The following CCDC77 variants were observed in gnomAD, a reference collection of about 807,000 sequenced individuals.
CCDC77 encodes the protein coiled-coil domain-containing protein 77.
A neutral mutation model predicts 66.8 loss-of-function variants in CCDC77; 56 were observed. The ratio of observed to expected loss-of-function variants is 0.84; its 90% CI spans 0.68 to 1.05. The LOEUF (loss-of-function observed/expected upper bound fraction) is 1.05, where lower values mean the gene tolerates loss of function less well. Among genes scored for constraint, CCDC77 ranks in the 50% least tolerant of loss-of-function variants. CCDC77 has a pLI of 0.00. For synonymous variants in CCDC77, 196 were observed against 195.2 expected (o/e 1.00, Z -0.03); for missense variants, 570 against 576.8 (o/e 0.99, Z 0.12).
At chr12:427,158 T>A (rs1945550716) in intron 5 of CCDC77, among the ~76,000 whole-genome samples, 1 of 151,970 alleles carries the variant, frequency 6.6e-6, no homozygotes, top group Admixed American at 6.6e-5. Flanking sequence ...AGCAGGAGAA[T>A]TGCTTGAACC....
At chr12:403,983 G>A (rs752175647) in intron 1 of CCDC77, among the ~76,000 whole-genome samples, 16 of 152,180 alleles carry the variant, frequency 1.1e-4, no homozygotes, top group Non-Finnish European at 2.2e-4. Flanking sequence ...GCCATGGCCT[G>A]GCCATGCCAA....
At chr12:398,390 A>C (rs1425726721), upstream of CCDC77, among the ~76,000 whole-genome samples, 1 of 151,832 alleles carries the variant, frequency 6.6e-6, no homozygotes, top group Non-Finnish European at 1.5e-5. Context: ...GCAACTCTTC[A>C]TCCATAGTTT....
upstream of CCDC77, chr12:401,449 A>T (rs746290973): frequency 6.6e-6 from 1 of 152,268 alleles, no homozygotes; most frequent in Non-Finnish European, 1.5e-5. Flanking sequence ...GCAGAGCTCC[A>T]GGCAGAAGAA....
At chr12:410,692 C>T (rs985144731) in intron 3 of CCDC77, among the ~76,000 whole-genome samples, 1 of 151,084 alleles carries the variant, frequency 6.6e-6, no homozygotes, top group Non-Finnish European at 1.5e-5. Flanking sequence ...ATTACACACG[C>T]GTGCCACCAG....
At chr12:423,672 T>A (rs1404963230) in intron 5 of CCDC77, among the ~76,000 whole-genome samples, 2 of 151,384 alleles carry the variant, frequency 1.3e-5, no homozygotes, top group Non-Finnish European at 2.9e-5. Flanking sequence ...AATTTTTGTA[T>A]CTTTTGAAGA....
intron 1 of CCDC77, among the ~76,000 whole-genome samples, chr12:392,690 A>G (rs1434189628): frequency 6.6e-6 from 1 of 152,020 alleles, no homozygotes; most frequent in Non-Finnish European, 1.5e-5. Context: ...GGTTGCAGTG[A>G]GCCAAGATGG....
At chr12:407,031 G>C (rs1253510575) in intron 2 of CCDC77, among the ~76,000 whole-genome samples, 2 of 152,230 alleles carry the variant, frequency 1.3e-5, no homozygotes, top group Non-Finnish European at 2.9e-5. Context: ...TGGAAGCCAA[G>C]CGCAGTGACT....
chr12:389,470 C>T (rs1944704811), exon 1 of CCDC77: 2 of 409,252 alleles, frequency 4.9e-6, no homozygotes, highest in South Asian at 4.9e-5. Flanking sequence ...CCAACGACTC[C>T]ACGCAGCTCG....
chr12:425,623 C>T (rs1945514500), intron 5 of CCDC77, among the ~76,000 whole-genome samples: 1 of 151,830 alleles, frequency 6.6e-6, no homozygotes, highest in African/African-American at 2.4e-5. Flanking sequence ...TAGCATGTAC[C>T]AGGTGAAATA....
chr12:423,470 G>GTGTTTT lies in CCDC77; in HGVS notation c.413+4835_413+4836insGTTTTT, dbSNP rs1565572116. ...TTGTTATTTTCTGGGTGTTTTTTGTGTTTTTTGTGTTTTTTTTTGTTTTGT... is the reference window on the plus strand; with the variant it reads ...TTGTTATTTTCTGGGTGTTTTTTGTGTGTTTTTTTTTTGTGTTTTTTTTTGTTTTGT... On this transcript the variant is annotated intron_variant, in intron 5 of 12. Coordinates refer to ENST00000239830, the MANE Select transcript of CCDC77 (RefSeq NM_032358.4). Among the ~76,000 whole-genome samples the GTGTTTT allele has an allele frequency of 8.9e-5, 4 of 44,874 alleles. 1 individual carries two copies. The highest frequency in any genetic ancestry group is 6.5e-4 in the Admixed American group (2 of 3,076). The allele number at this position is 44,874 out of a possible 152,430, so 29.4% of individuals were successfully genotyped here. A position where few individuals can be genotyped will look rare whatever the true frequency, so the allele number is the denominator to read the frequency against.
At chr12:434,394 C>T (rs1945709987) in intron 9 of CCDC77, among the ~76,000 whole-genome samples, 1 of 150,972 alleles carries the variant, frequency 6.6e-6, no homozygotes, top group African/African-American at 2.4e-5. Context: ...ACTCTGTCGC[C>T]CAGGCTGGAG....
chr12:392,468 G>T (rs1161062658), intron 1 of CCDC77, among the ~76,000 whole-genome samples: 1 of 152,092 alleles, frequency 6.6e-6, no homozygotes, highest in African/African-American at 2.4e-5. Flanking sequence ...TTGAGGCCAG[G>T]CACGGTGGCT....
At chr12:400,443 C>A (rs187405032), upstream of CCDC77, among the ~76,000 whole-genome samples, 3 of 152,188 alleles carry the variant, frequency 2.0e-5, no homozygotes, top group African/African-American at 2.4e-5. Flanking sequence ...TTTCAACATG[C>A]CTTTTTCACT....
intron 1 of CCDC77, among the ~76,000 whole-genome samples, chr12:389,739 C>A (rs751654506): frequency 2.7e-4 from 41 of 152,228 alleles, no homozygotes; most frequent in Non-Finnish European, 4.9e-4. Flanking sequence ...CACCGCGCCT[C>A]ACCGCCCGTG....
At chr12:429,945 T>C (rs1051547645) in intron 6 of CCDC77, among the ~76,000 whole-genome samples, 1 of 152,202 alleles carries the variant, frequency 6.6e-6, no homozygotes, top group African/African-American at 2.4e-5. Context: ...TTTTTGTTTT[T>C]AATCATATAT....
intron 6 of CCDC77, among the ~76,000 whole-genome samples, chr12:429,523 A>C (rs1333667007): frequency 1.3e-5 from 2 of 150,916 alleles, no homozygotes; most frequent in Non-Finnish European, 2.9e-5. Flanking sequence ...TGCAATGCGC[A>C]ATCTCGGCTC....
chr12:402,728 C>G (rs747718000), intron 1 of CCDC77, among the ~76,000 whole-genome samples: 2 of 152,084 alleles, frequency 1.3e-5, no homozygotes, highest in Non-Finnish European at 2.9e-5. Flanking sequence ...TAGGTAGAAC[C>G]GTTAAGGTGT....
chr12:404,438 G>A (rs1591959513), intron 1 of CCDC77, among the ~76,000 whole-genome samples: 1 of 152,230 alleles, frequency 6.6e-6, no homozygotes, highest in African/African-American at 2.4e-5. Flanking sequence ...TAATTTGGAT[G>A]TCTGCTGACC....
In CCDC77 at chr12:428,372, A is replaced by G. The variant is rs140808036; in HGVS notation, c.414-397A>G. Among the ~76,000 whole-genome samples the G allele has an allele frequency of 1.9e-3, 284 of 152,066 alleles. 4 individuals carry two copies. In the East Asian group the frequency reaches 0.046, roughly 25 times the overall value. On this transcript the variant is annotated intron_variant, in intron 5 of 12. Coordinates refer to ENST00000239830, the MANE Select transcript of CCDC77 (RefSeq NM_032358.4). Reference sequence around the variant, plus strand: ...CTAAAAATACAAAAATTAGCCGGGCATAGTGGCGGGCGCCTGTAGTCCCAG... The same window carrying G: ...CTAAAAATACAAAAATTAGCCGGGCGTAGTGGCGGGCGCCTGTAGTCCCAG...
Sources: gnomAD v4.1 joint callset for allele counts (sites outside exome capture counted in the v4.1 genomes callset) on GRCh38, gnomAD v4.1.1 for gene constraint, MANE v1.5 for transcripts, NCBI Gene and HGNC (gene_info 2026-07-23, HGNC 2026-07-21) for gene names.